Variants in IL31RA observed in about 807,000 individuals in gnomAD.
IL31RA encodes the protein interleukin 31 receptor A, also known as interleukin-31 receptor subunit alpha.
A neutral mutation model predicts 83.7 loss-of-function variants in IL31RA; 66 were observed. That is an observed-to-expected ratio of 0.79 (90% CI 0.65 to 0.97). The LOEUF is 0.97. Among genes scored for constraint, IL31RA ranks in the 50% least tolerant of loss-of-function variants. IL31RA has a pLI of 0.00. For synonymous variants in IL31RA, 325 were observed against 329.0 expected (o/e 0.99, Z 0.13); for missense variants, 798 against 919.4 (o/e 0.87, Z 1.71).
chr5:55,868,008 C>G (rs1431071250), intron 2 of IL31RA, among the ~76,000 whole-genome samples: 1 of 152,024 alleles, frequency 6.6e-6, no homozygotes, highest in African/African-American at 2.4e-5. Flanking sequence ...AAGGTACCTG[C>G]AGCAACGAAA....
chr5:55,887,492 C>G (rs1561098220), intron 5 of IL31RA, among the ~76,000 whole-genome samples: 1 of 152,168 alleles, frequency 6.6e-6, no homozygotes, highest in Non-Finnish European at 1.5e-5. Context: ...GTAATCCCAG[C>G]ACTTTGGGAG....
chr5:55,889,863 G>C lies in IL31RA; in HGVS notation c.607-107G>C. On this transcript the variant is annotated intron_variant, in intron 5 of 14. Coordinates refer to ENST00000652347, the MANE Select transcript of IL31RA (RefSeq NM_139017.7). ...ATGATATATTTTAAAATTTGATTTAGAGTGTTACTAGTTCTAAAAATGTAA... is the reference window on the plus strand; with the variant it reads ...ATGATATATTTTAAAATTTGATTTACAGTGTTACTAGTTCTAAAAATGTAA... The C allele has an allele frequency of 1.0e-6, 1 of 952,940 alleles. No individual in the cohort carries two copies. 59.0% of individuals were successfully genotyped at this position (952,940 alleles called of 1,614,324 possible).
At position 55,914,855 on chromosome 5, in the gene IL31RA, C is replaced by T. The variant is rs758565960; in HGVS notation, c.1745C>T (p.Thr582Ile). Residue 582 changes from threonine (T) to isoleucine (I), a missense_variant, in exon 14 of 15, where the codon ACT becomes ATT. Thr to Ile is a moderately conservative substitution (Grantham distance 89). Coordinates refer to ENST00000652347, the MANE Select transcript of IL31RA (RefSeq NM_139017.7). Reference protein sequence around the residue: ...AYGLKKPNKLTHLCWPTVPNP... With the variant: ...AYGLKKPNKLIHLCWPTVPNP... ...ATCTTCTCTCTCATTAGCAAATTGA[C>T]TCATCTGTGTTGGCCCACCGTTCCC... 19 of 1,611,768 alleles carry T rather than the reference C, an allele frequency of 1.2e-5. No individual in the cohort carries two copies. The South Asian group carries it at 1.6e-4, about 14-fold the overall frequency.
At position 55,922,317 on chromosome 5, in the gene IL31RA, G is replaced by A. The variant is rs1248485595; in HGVS notation, c.*5197G>A. 1.6e-6 allele frequency: 2 copies of A among 1,277,702 alleles called. No individual in the cohort carries two copies. Among genetic ancestry groups the A allele is most frequent in the Non-Finnish European group, 2.2e-6 (2 of 897,884 alleles). 79.1% of individuals were successfully genotyped at this position (1,277,702 alleles called of 1,614,324 possible). The stretch of plus-strand genomic sequence containing the variant: ...AGGGGAGGGGCAGAACTCCACAAGA[G>A]GGCAAAACCTGCTGTCAGCAATGCT... On this transcript the variant is annotated 3_prime_UTR_variant, in exon 15 of 15. Transcript: ENST00000652347.
In IL31RA at chr5:55,919,065, C is replaced by T. The variant is rs1749961358; in HGVS notation, c.*1945C>T. On this transcript the variant is annotated 3_prime_UTR_variant, in exon 15 of 15. Transcript: ENST00000652347. The stretch of plus-strand genomic sequence containing the variant: ...TATGGTGTGGGCTCTTCTGTGAGCC[C>T]ACTGTCCCCAGAGTTCCAGATGGGG... Among the ~76,000 whole-genome samples the T allele has an allele frequency of 6.6e-6, 1 of 152,140 alleles. No individual in the cohort carries two copies. Among genetic ancestry groups the T allele is most frequent in the Admixed American group, 6.5e-5 (1 of 15,282 alleles).
In IL31RA at chr5:55,851,405, T is replaced by A. The variant is rs1054417607; in HGVS notation, c.-166T>A. ...ACCAGACAGCACTCCAGCACTCTGCTTGGGGGGCATTCGAAACAGCAAAAT... is the reference window on the plus strand; with the variant it reads ...ACCAGACAGCACTCCAGCACTCTGCATGGGGGGCATTCGAAACAGCAAAAT... On this transcript the variant is annotated 5_prime_UTR_variant, in exon 1 of 15. The change creates a new upstream start codon in the 5' untranslated region. Transcript: ENST00000652347. The A allele has an allele frequency of 1.7e-6, 2 of 1,206,156 alleles. No homozygotes were observed. Among genetic ancestry groups the A allele is most frequent in the African/African-American group, 3.0e-5 (2 of 66,646 alleles). 74.7% of individuals were successfully genotyped at this position (1,206,156 alleles called of 1,614,324 possible). A position where few individuals can be genotyped will look rare whatever the true frequency, so the allele number is the denominator to read the frequency against.
intron 11 of IL31RA, chr5:55,909,037 G>T: frequency 3.2e-6 from 1 of 308,858 alleles, no homozygotes; most frequent in Non-Finnish European, 4.8e-6. Context: ...CCATTCATTA[G>T]TCACTCCCCA....
intron 1 of IL31RA, chr5:55,853,274 CT>C (rs199545528): frequency 3.8e-4 from 430 of 1,130,836 alleles, no homozygotes; most frequent in Middle Eastern, 1.8e-3. Flanking sequence ...TCAGATGATC[CT>C]TTTTTTTTGT....
chr5:55,859,522 C>T lies in IL31RA; in HGVS notation c.77C>T (p.Pro26Leu). The T allele has an allele frequency of 6.2e-7, 1 of 1,613,490 alleles. No individual in the cohort carries two copies. The highest frequency in any genetic ancestry group is 1.1e-5 in the South Asian group (1 of 91,070). The change falls in exon 2 of 15, where the codon CCT becomes CTT. Residue 26 changes from proline to leucine, a missense_variant. Physicochemically the swap from Pro to Leu is moderately conservative, Grantham distance 98. Coordinates refer to ENST00000652347, the MANE Select transcript of IL31RA (RefSeq NM_139017.7). ...ECPQNILSPQ[P>L]SCVNLGMMWT... ...TGTCATTTTCAGCTCTCTCCCCAGC[C>T]TTCATGTGTTAACCTGGGGATGATG...
upstream of IL31RA, among the ~76,000 whole-genome samples, chr5:55,847,239 A>AAT (rs1554083144): frequency 5.8e-5 from 1 of 17,378 alleles, no homozygotes; most frequent in Non-Finnish European, 2.0e-4. Context: ...AAAAAAAAAA[A>AAT]AATAAAAATA....
chr5:55,852,124 A>G (rs1745103135), intron 1 of IL31RA: 1 of 177,198 alleles, frequency 5.6e-6, no homozygotes, highest in Non-Finnish European at 1.2e-5. Context: ...TTGTGCTAGC[A>G]TTTAGCTTTT....
intron 2 of IL31RA, 22 bp downstream of exon 2, chr5:55,859,621 T>A: frequency 1.4e-6 from 2 of 1,479,424 alleles, no homozygotes; most frequent in Non-Finnish European, 9.5e-7. Flanking sequence ...TGGGCCCTTT[T>A]ACAGATCATG....
intron 1 of IL31RA, chr5:55,853,484 T>C: frequency 1.3e-6 from 2 of 1,550,248 alleles, no homozygotes; most frequent in South Asian, 1.2e-5. Context: ...CTGTCCTGAC[T>C]TGTGCTGTGG....
rs142659639 is a variant in IL31RA at position 55,883,071 on chromosome 5, G to A, written c.482G>A (p.Arg161His). ...AAAACTGAACCACCTAAGATTTTCC[G>A]TGTGAAACCAGTTTTGGGCATCAAA... ...IAKTEPPKIF[R>H]VKPVLGIKRM... Residue 161 changes from arginine (R) to histidine (H), a missense_variant, in exon 5 of 15, where the codon CGT becomes CAT. Arg to His is a conservative substitution (Grantham distance 29). Transcript: ENST00000652347. 49 of 1,613,808 alleles carry A rather than the reference G, an allele frequency of 3.0e-5. No homozygotes were observed. Among genetic ancestry groups the A allele is most frequent in the Middle Eastern group, 3.3e-4 (2 of 6,080 alleles).
chr5:55,851,708 A>G (rs1745082171), intron 1 of IL31RA, 75 bp downstream of exon 1: 1 of 1,613,060 alleles, frequency 6.2e-7, no homozygotes, highest in Non-Finnish European at 8.5e-7. Flanking sequence ...GCTGTGAGTA[A>G]TGAGGGTTGA....
chr5:55,883,118 A>G lies in IL31RA; in HGVS notation c.529A>G (p.Ile177Val). The change falls in exon 5 of 15, where the codon ATA becomes GTA. Residue 177 changes from isoleucine (I) to valine (V), a missense_variant. By Grantham distance (29) the Ile-to-Val change is conservative. Coordinates refer to ENST00000652347, the MANE Select transcript of IL31RA (RefSeq NM_139017.7). ...GIKRMIQIEW[I>V]KPELAPVSSD... ...CAAACGAATGATTCAAATTGAATGG[A>G]TAAAGCCTGAGTTGGCGCCTGTTTC... 3 of 1,614,102 alleles carry G rather than the reference A, an allele frequency of 1.9e-6. No individual in the cohort carries two copies. The highest frequency in any genetic ancestry group is 2.5e-6 in the Non-Finnish European group (3 of 1,179,938).
At chr5:55,908,987 C>G in intron 11 of IL31RA, 1 of 723,210 alleles carries the variant, frequency 1.4e-6, no homozygotes, top group South Asian at 4.6e-5. Flanking sequence ...ACCACTATTT[C>G]CAGAACTCTT....
At chr5:55,909,554 C>T (rs557285444) in intron 11 of IL31RA, among the ~76,000 whole-genome samples, 55 of 152,192 alleles carry the variant, frequency 3.6e-4, no homozygotes, top group African/African-American at 1.2e-3. Flanking sequence ...GTTTTCATTT[C>T]CCTGCATCCT....
chr5:55,910,364 T>G (rs1749427082), intron 11 of IL31RA, among the ~76,000 whole-genome samples, 168 bp from the exon 12 acceptor site: 1 of 152,212 alleles, frequency 6.6e-6, no homozygotes, highest in Non-Finnish European at 1.5e-5. Context: ...GTTCTTATAT[T>G]GAGGTCCTTA....
Sources: gnomAD v4.1 joint callset for allele counts (sites outside exome capture counted in the v4.1 genomes callset) on GRCh38, gnomAD v4.1.1 for gene constraint, MANE v1.5 for transcripts, NCBI Gene and HGNC (gene_info 2026-07-23, HGNC 2026-07-21) for gene names.